CBFA2T2: variants seen among roughly 807,000 people sequenced by gnomAD.
CBFA2T2 encodes protein CBFA2T2.
A neutral mutation model predicts 62.2 loss-of-function variants in CBFA2T2; 11 were observed. That is an observed-to-expected ratio of 0.18 (90% CI 0.11 to 0.29). The LOEUF is 0.29. Ranked by LOEUF, CBFA2T2 falls within the 10% of genes least tolerant of loss-of-function variation. The probability of loss-of-function intolerance (pLI) is 1.00; values close to 1 mark genes in which losing one functional copy is unlikely to be tolerated. For missense variants in CBFA2T2, 592 were observed against 774.1 expected (o/e 0.76, Z 2.79); for synonymous variants, 295 against 287.5 (o/e 1.03, Z -0.27).
At chr20:33,609,071 A>C (rs185004434) in intron 2 of CBFA2T2, among the ~76,000 whole-genome samples, 5 of 152,316 alleles carry the variant, frequency 3.3e-5, no homozygotes, top group Non-Finnish European at 5.9e-5. Context: ...GCATTTTCCT[A>C]AACACCCTTT....
chr20:33,600,363 T>A (rs1214798132), intron 1 of CBFA2T2: 2 of 243,748 alleles, frequency 8.2e-6, no homozygotes, highest in Non-Finnish European at 1.7e-5. Flanking sequence ...AGCTAATTTT[T>A]GTTTAGTAGA....
At position 33,628,386 on chromosome 20, in the gene CBFA2T2, A is replaced by G. The variant is rs932263490; in HGVS notation, c.983A>G (p.His328Arg). The G allele has an allele frequency of 1.5e-5, 25 of 1,613,194 alleles. No individual in the cohort carries two copies. The highest frequency in any genetic ancestry group is 1.6e-5 in the Non-Finnish European group (19 of 1,179,194). Residue 328 changes from histidine to arginine, a missense_variant, in exon 7 of 11, where the codon CAT becomes CGT. His to Arg is a conservative substitution (Grantham distance 29). Transcript: ENST00000342704. ...NGGYQDELVD[H>R]RLTEREWADE... Reference sequence around the variant, plus strand: ...GGCTATCAAGATGAGTTGGTAGATCATCGTTTGACAGAAAGGGAATGGGCT... The same window carrying G: ...GGCTATCAAGATGAGTTGGTAGATCGTCGTTTGACAGAAAGGGAATGGGCT...
At chr20:33,628,245 T>C (rs1601095590) in intron 6 of CBFA2T2, 105 bp from the exon 7 acceptor site, 3 of 766,862 alleles carry the variant, frequency 3.9e-6, no homozygotes, top group East Asian at 5.0e-5. Context: ...ATTGCCTTAG[T>C]AGTGTGATCA....
chr20:33,622,788 C>G (rs1353728919), intron 4 of CBFA2T2, among the ~76,000 whole-genome samples: 1 of 152,166 alleles, frequency 6.6e-6, no homozygotes, highest in Admixed American at 6.5e-5. Flanking sequence ...CTCTCACTGA[C>G]TAAAGTCTTC....
chr20:33,566,068 A>G (rs2013300023), intron 1 of CBFA2T2, among the ~76,000 whole-genome samples: 1 of 152,202 alleles, frequency 6.6e-6, no homozygotes. Flanking sequence ...TCCTTTGGAT[A>G]ATCTAGTCAA....
intron 1 of CBFA2T2, among the ~76,000 whole-genome samples, chr20:33,497,331 G>A (rs1600897237): frequency 6.9e-6 from 1 of 145,848 alleles, no homozygotes. Flanking sequence ...CATCCTCCAT[G>A]TAGGTTTGGA....
At chr20:33,636,543 T>G in intron 8 of CBFA2T2, 97 bp from the exon 9 acceptor site, 1 of 832,198 alleles carries the variant, frequency 1.2e-6, no homozygotes, top group Non-Finnish European at 2.0e-6. Context: ...ATGAAATATA[T>G]GTTTGAGTCT....
intron 1 of CBFA2T2, among the ~76,000 whole-genome samples, chr20:33,530,159 A>G (rs1209915043): frequency 2.6e-5 from 4 of 151,890 alleles, no homozygotes; most frequent in Admixed American, 2.6e-4. Flanking sequence ...TTTTGGACTC[A>G]GGTGATCCTC....
intron 1 of CBFA2T2, among the ~76,000 whole-genome samples, chr20:33,563,710 G>A (rs953739162): frequency 5.3e-5 from 8 of 152,096 alleles, no homozygotes; most frequent in Middle Eastern, 3.4e-3. Flanking sequence ...TTGTTATTGG[G>A]GAAATTTGTC....
chr20:33,623,954 G>GAA (rs761906454), intron 5 of CBFA2T2: 209 of 319,506 alleles, frequency 6.5e-4, no homozygotes, highest in South Asian at 1.6e-3. Context: ...GAAAGAATTG[G>GAA]AAAAAAAAAA....
At chr20:33,529,759 A>T (rs377741811) in intron 1 of CBFA2T2, among the ~76,000 whole-genome samples, 19 of 97,586 alleles carry the variant, frequency 1.9e-4, no homozygotes, top group East Asian at 3.4e-4. Flanking sequence ...ATATATATAT[A>T]TATATATATA....
intron 2 of CBFA2T2, among the ~76,000 whole-genome samples, chr20:33,608,251 T>C (rs1213738345): frequency 6.6e-6 from 1 of 152,228 alleles, no homozygotes; most frequent in Non-Finnish European, 1.5e-5. Context: ...CCAGTTCACT[T>C]TGACACTCTG....
intron 7 of CBFA2T2, among the ~76,000 whole-genome samples, chr20:33,629,041 G>A (rs1282964763): frequency 6.6e-6 from 1 of 152,234 alleles, no homozygotes; most frequent in Non-Finnish European, 1.5e-5. Flanking sequence ...TAAGGCAGGA[G>A]GATCTCTTAA....
At chr20:33,602,246 A>C (rs1263947430) in intron 1 of CBFA2T2, among the ~76,000 whole-genome samples, 1 of 152,136 alleles carries the variant, frequency 6.6e-6, no homozygotes, top group East Asian at 1.9e-4. Flanking sequence ...CAGATAAAGA[A>C]AACCACTGTC....
intron 8 of CBFA2T2, 128 bp downstream of exon 8, chr20:33,630,042 C>A: frequency 1.2e-6 from 1 of 810,926 alleles, no homozygotes; most frequent in South Asian, 2.2e-5. Flanking sequence ...TAGGGAAACT[C>A]AGGTGATTAT....
chr20:33,517,955 TTTA>T (rs1333103690), intron 1 of CBFA2T2, among the ~76,000 whole-genome samples: 1 of 151,576 alleles, frequency 6.6e-6, no homozygotes, highest in Non-Finnish European at 1.5e-5. Flanking sequence ...ACATTTTGCT[TTTA>T]TTTTTTTTGA....
At chr20:33,554,920 TAAC>T (rs1189185294) in intron 1 of CBFA2T2, among the ~76,000 whole-genome samples, 2 of 152,080 alleles carry the variant, frequency 1.3e-5, no homozygotes, top group Non-Finnish European at 2.9e-5. Flanking sequence ...TAAGAAAAAA[TAAC>T]AACTTAAAAA....
At chr20:33,602,197 T>C (rs1383072954) in intron 1 of CBFA2T2, among the ~76,000 whole-genome samples, 1 of 152,032 alleles carries the variant, frequency 6.6e-6, no homozygotes, top group African/African-American at 2.4e-5. Flanking sequence ...TCCATTATGG[T>C]ACCCTTCATA....
chr20:33,574,117 G>A (rs1252112913), intron 1 of CBFA2T2: 2 of 1,581,922 alleles, frequency 1.3e-6, no homozygotes, highest in Non-Finnish European at 1.7e-6. Context: ...GAAGATTGAG[G>A]ATGGTAGTTT....
Sources: gnomAD v4.1 joint callset for allele counts (sites outside exome capture counted in the v4.1 genomes callset) on GRCh38, gnomAD v4.1.1 for gene constraint, MANE v1.5 for transcripts, NCBI Gene and HGNC (gene_info 2026-07-23, HGNC 2026-07-21) for gene names.